Variants in CTNNA2 observed in about 807,000 individuals in gnomAD.
CTNNA2 encodes the protein catenin alpha-2.
Under a neutral mutation model 101.0 loss-of-function variants are expected in CTNNA2, and 42 were observed. That is an observed-to-expected ratio of 0.42 (90% CI 0.32 to 0.54). The LOEUF (loss-of-function observed/expected upper bound fraction) is 0.54. CTNNA2 is among the 20% of genes least tolerant of loss of function. CTNNA2 has a pLI of 0.14. For synonymous variants in CTNNA2, 450 were observed against 456.4 expected (o/e 0.99, Z 0.18); for missense variants, 871 against 1,223.1 (o/e 0.71, Z 4.29).
rs1025541069 is a variant in CTNNA2 at position 79,530,112 on chromosome 2, C to A, written c.-6+16905C>A. On this transcript the variant is annotated intron_variant, in intron 1 of 18. Coordinates refer to ENST00000402739, the MANE Select transcript of CTNNA2 (RefSeq NM_001282597.3). ...TGGTGGGAGGTTAGCTTTGTTTTCT[C>A]TTCATCCTGATTTCTGATATTTAAG... is the stretch of plus-strand genomic sequence containing the variant. Among the ~76,000 whole-genome samples the A allele has an allele frequency of 2.6e-5, 4 of 152,214 alleles. No homozygotes were observed. In the East Asian group the frequency reaches 7.7e-4, roughly 29 times the overall value.
intron 6 of CTNNA2, among the ~76,000 whole-genome samples, chr2:79,893,300 CA>C (rs1354692068): frequency 1.3e-5 from 2 of 152,114 alleles, no homozygotes; most frequent in African/African-American, 2.4e-5. Context: ...TCTGCTTACA[CA>C]AGAATCTCTT....
chr2:80,270,867 C>A (rs185109053), intron 7 of CTNNA2, among the ~76,000 whole-genome samples: 17 of 152,242 alleles, frequency 1.1e-4, no homozygotes, highest in Non-Finnish European at 2.2e-4. Context: ...TAATTAAATG[C>A]TAGCCACCCT....
chr2:80,173,026 A>G (rs1705168494), intron 7 of CTNNA2, among the ~76,000 whole-genome samples: 1 of 152,212 alleles, frequency 6.6e-6, no homozygotes, highest in East Asian at 1.9e-4. Flanking sequence ...AAGGGGTACA[A>G]TTCAATCCAT....
chr2:80,099,028 G>A (rs576493305), intron 7 of CTNNA2, among the ~76,000 whole-genome samples: 6 of 151,950 alleles, frequency 3.9e-5, no homozygotes, highest in South Asian at 4.2e-4. Flanking sequence ...CCCACTGTCC[G>A]GCACTCCCCA....
intron 7 of CTNNA2, among the ~76,000 whole-genome samples, chr2:79,965,237 G>A (rs1689955405): frequency 6.6e-6 from 1 of 152,164 alleles, no homozygotes; most frequent in Non-Finnish European, 1.5e-5. Context: ...GATGTGAAAT[G>A]CAACCTTTTT....
At chr2:79,897,529 T>C (rs540835329) in intron 6 of CTNNA2, among the ~76,000 whole-genome samples, 1 of 152,308 alleles carries the variant, frequency 6.6e-6, no homozygotes, top group South Asian at 2.1e-4. Flanking sequence ...TTATATTATT[T>C]AACTTTCTCA....
At chr2:80,217,969 C>T (rs368678644) in intron 7 of CTNNA2, among the ~76,000 whole-genome samples, 12 of 152,338 alleles carry the variant, frequency 7.9e-5, no homozygotes, top group African/African-American at 2.9e-4. Context: ...GTTAATAACT[C>T]ATTATGATGT....
intron 2 of CTNNA2, among the ~76,000 whole-genome samples, chr2:79,696,877 GT>G (rs1229558663): frequency 6.6e-6 from 1 of 151,978 alleles, no homozygotes; most frequent in Non-Finnish European, 1.5e-5. Context: ...AGAAAAGCAG[GT>G]TTCAACAGAG....
At chr2:80,354,094 G>A (rs1573815075) in intron 7 of CTNNA2, among the ~76,000 whole-genome samples, 1 of 152,188 alleles carries the variant, frequency 6.6e-6, no homozygotes, top group African/African-American at 2.4e-5. Flanking sequence ...TCACAACTGA[G>A]CCTCTTTCAG....
intron 2 of CTNNA2, among the ~76,000 whole-genome samples, chr2:79,229,966 A>C (rs1674468710): frequency 6.6e-6 from 1 of 152,196 alleles, no homozygotes; most frequent in African/African-American, 2.4e-5. Context: ...TGGCAGAAGA[A>C]ATTTCTAAAC....
intron 17 of CTNNA2, among the ~76,000 whole-genome samples, chr2:80,609,965 G>T (rs1698325523): frequency 1.3e-5 from 2 of 151,630 alleles, no homozygotes; most frequent in African/African-American, 4.8e-5. Flanking sequence ...TGCACTGTTG[G>T]CTTTTATAGA....
chr2:79,900,046 G>T (rs186636111), intron 6 of CTNNA2, among the ~76,000 whole-genome samples: 4 of 152,138 alleles, frequency 2.6e-5, no homozygotes, highest in African/African-American at 7.2e-5. Flanking sequence ...AGACACCTCG[G>T]TTAATTTATT....
At chr2:80,314,618 C>T (rs752698621) in intron 7 of CTNNA2, among the ~76,000 whole-genome samples, 6 of 152,094 alleles carry the variant, frequency 3.9e-5, no homozygotes, top group African/African-American at 7.2e-5. Flanking sequence ...TCAAGATCAC[C>T]AACAATGGGG....
intron 4 of CTNNA2, among the ~76,000 whole-genome samples, chr2:79,397,512 CT>C (rs1678245876): frequency 6.6e-6 from 1 of 152,108 alleles, no homozygotes; most frequent in African/African-American, 2.4e-5. Context: ...TAAATAACAG[CT>C]TTTTCCCTCA....
In CTNNA2 at chr2:79,504,090, C is replaced by G. The variant is rs184337859; in HGVS notation, c.-134-964C>G. Reference sequence around the variant, plus strand: ...CAATGAAGATTTGGCTCATTCCCATCAAGTGAGGACGATATTAACTGAGAT... The same window carrying G: ...CAATGAAGATTTGGCTCATTCCCATGAAGTGAGGACGATATTAACTGAGAT... On this transcript the variant is annotated intron_variant, in intron 4 of 21. Transcript: ENST00000466387. Among the ~76,000 whole-genome samples the G allele has an allele frequency of 2.6e-3, 393 of 152,238 alleles. 6 individuals are homozygous for G. The highest frequency in any genetic ancestry group is 1.6e-3 in the Admixed American group (25 of 15,286).
At chr2:79,242,068 G>C (rs1354126821) in intron 2 of CTNNA2, among the ~76,000 whole-genome samples, 1 of 151,982 alleles carries the variant, frequency 6.6e-6, no homozygotes, top group East Asian at 1.9e-4. Context: ...ACCACTCCTG[G>C]CTAATTTTTT....
At chr2:79,957,259 G>A (rs1020278642) in intron 7 of CTNNA2, among the ~76,000 whole-genome samples, 1 of 152,140 alleles carries the variant, frequency 6.6e-6, no homozygotes, top group African/African-American at 2.4e-5. Flanking sequence ...TGGTCATTAT[G>A]CATCTTGTCC....
At chr2:79,388,358 TG>T (rs1336717686) in intron 4 of CTNNA2, among the ~76,000 whole-genome samples, 3 of 152,204 alleles carry the variant, frequency 2.0e-5, no homozygotes, top group South Asian at 2.1e-4. Context: ...ATGACTTTTT[TG>T]TTATCGATTC....
intron 4 of CTNNA2, among the ~76,000 whole-genome samples, chr2:79,435,303 C>A (rs1180631139): frequency 6.6e-6 from 1 of 152,134 alleles, no homozygotes; most frequent in Non-Finnish European, 1.5e-5. Flanking sequence ...TGTCATATGG[C>A]CTGCTTAATG....
Sources: gnomAD v4.1 joint callset for allele counts (sites outside exome capture counted in the v4.1 genomes callset) on GRCh38, gnomAD v4.1.1 for gene constraint, MANE v1.5 for transcripts, NCBI Gene and HGNC (gene_info 2026-07-23, HGNC 2026-07-21) for gene names.